LIPA: variants seen among roughly 807,000 people sequenced by gnomAD.
The protein encoded by LIPA is lipase A, lysosomal acid type.
LIPA carries 26 observed loss-of-function variants against 40.6 expected under a neutral mutation model. The ratio of observed to expected loss-of-function variants is 0.64; its 90% CI spans 0.47 to 0.89. LIPA has a LOEUF of 0.89. LIPA is among the 40% of genes least tolerant of loss of function. The pLI is 0.00. For missense variants in LIPA, 455 were observed against 479.6 expected (o/e 0.95, Z 0.48); for synonymous variants, 188 against 168.4 (o/e 1.12, Z -0.90).
intron 2 of LIPA, among the ~76,000 whole-genome samples, chr10:89,383,134 C>T (rs924141834): frequency 6.6e-6 from 1 of 152,166 alleles, no homozygotes; most frequent in Admixed American, 6.5e-5. Flanking sequence ...ATTAGCATTT[C>T]CCCTTGGTTT....
chr10:89,317,438 C>T (rs1267691204), intron 1 of LIPA, among the ~76,000 whole-genome samples: 2 of 152,106 alleles, frequency 1.3e-5, no homozygotes, highest in African/African-American at 2.4e-5. Context: ...CTTCAGTAGC[C>T]AATTCATCAA....
At chr10:89,226,075 G>A (rs763233617) in intron 5 of LIPA, among the ~76,000 whole-genome samples, 5 of 152,100 alleles carry the variant, frequency 3.3e-5, no homozygotes, top group African/African-American at 4.8e-5. Context: ...CCTCTCTGAC[G>A]TCTTGCCACC....
intron 1 of LIPA, among the ~76,000 whole-genome samples, chr10:89,271,146 A>G (rs372409802): frequency 6.6e-6 from 1 of 152,178 alleles, no homozygotes; most frequent in African/African-American, 2.4e-5. Context: ...CTGTCTTCTC[A>G]TGGGGAGTTC....
At chr10:89,362,247 A>G (rs1246886148) in intron 2 of LIPA, 1 of 152,192 alleles carries the variant, frequency 6.6e-6, no homozygotes, top group Non-Finnish European at 1.5e-5. Context: ...ATAGCATTCC[A>G]TTTCCATCAG....
At chr10:89,394,597 TA>T (rs1225659715) in intron 2 of LIPA, among the ~76,000 whole-genome samples, 315 of 19,076 alleles carry the variant, frequency 0.017, 14 homozygotes, top group African/African-American at 0.093. Flanking sequence ...TATATATATA[TA>T]TATATATATA....
intron 3 of LIPA, among the ~76,000 whole-genome samples, chr10:89,239,452 C>G (rs148457656): frequency 6.6e-6 from 1 of 152,244 alleles, no homozygotes; most frequent in South Asian, 2.1e-4. Context: ...CAGGGCACAG[C>G]GCTTGGCCTG....
intron 3 of LIPA, among the ~76,000 whole-genome samples, chr10:89,233,231 T>C (rs545758594): frequency 6.6e-6 from 1 of 152,294 alleles, no homozygotes; most frequent in South Asian, 2.1e-4. Flanking sequence ...AAGGAAACAG[T>C]GAATCTATTC....
chr10:89,304,012 T>A (rs778903449), intron 1 of LIPA, among the ~76,000 whole-genome samples: 13 of 152,222 alleles, frequency 8.5e-5, no homozygotes, highest in Admixed American at 4.6e-4. Context: ...GTTCTGATCC[T>A]CCTGGGGTCA....
At chr10:89,249,069 T>C (rs1396356042) in intron 1 of LIPA, among the ~76,000 whole-genome samples, 1 of 152,216 alleles carries the variant, frequency 6.6e-6, no homozygotes, top group Non-Finnish European at 1.5e-5. Flanking sequence ...CACTATTAGC[T>C]CTTCCTCCTA....
chr10:89,332,671 G>A, intron 1 of LIPA: 3 of 1,580,480 alleles, frequency 1.9e-6, no homozygotes, highest in Non-Finnish European at 2.6e-6. Context: ...AATTTCTTAT[G>A]TACAACTTCC....
intron 1 of LIPA, chr10:89,306,531 A>T (rs1407707343): frequency 1.2e-6 from 2 of 1,613,520 alleles, no homozygotes; most frequent in Admixed American, 3.3e-5. Flanking sequence ...CCACCATCTC[A>T]GAACGCCATT....
In LIPA at chr10:89,396,947, T is replaced by C. The variant is rs190365328; in HGVS notation, c.61+15844A>G. Reference sequence around the variant, plus strand: ...GTTGCTTATCTTTTTGTTGATGAGCTGTAAATATACTTACATATATTTCTC... The same window carrying C: ...GTTGCTTATCTTTTTGTTGATGAGCCGTAAATATACTTACATATATTTCTC... On this transcript the variant is annotated intron_variant, in intron 2 of 8. Coordinates refer to the LIPA transcript ENST00000371837. 2.1e-3 allele frequency among the ~76,000 whole-genome samples: 313 copies of C among 152,346 alleles called. 2 individuals are homozygous for C. In the Middle Eastern group the frequency reaches 0.037, roughly 18 times the overall value.
intron 1 of LIPA, chr10:89,338,581 A>G (rs1843785633): frequency 3.0e-6 from 4 of 1,353,980 alleles, no homozygotes; most frequent in African/African-American, 2.9e-5. Flanking sequence ...GCCCAGTTCA[A>G]TTGACATATA....
At chr10:89,338,638 G>T in intron 1 of LIPA, 2 of 1,596,168 alleles carry the variant, frequency 1.3e-6, no homozygotes, top group South Asian at 2.3e-5. Flanking sequence ...ACATCACAGT[G>T]ACCATGTTTA....
intron 2 of LIPA, among the ~76,000 whole-genome samples, chr10:89,369,363 G>T (rs1844079583): frequency 6.6e-6 from 1 of 152,182 alleles, no homozygotes; most frequent in South Asian, 2.1e-4. Context: ...AGATTCAGTT[G>T]CCAGGATGGG....
intron 1 of LIPA, among the ~76,000 whole-genome samples, chr10:89,262,498 T>G (rs1205904381): frequency 6.6e-6 from 1 of 152,254 alleles, no homozygotes; most frequent in African/African-American, 2.4e-5. Flanking sequence ...TCAGTATCTT[T>G]CTTCCTGTCT....
At chr10:89,314,086 G>A (rs1248552591) in intron 1 of LIPA, among the ~76,000 whole-genome samples, 4 of 152,046 alleles carry the variant, frequency 2.6e-5, no homozygotes, top group Non-Finnish European at 5.9e-5. Flanking sequence ...TTTTTCTTTT[G>A]TTATCTATTT....
At chr10:89,388,444 G>A (rs1275669563) in intron 2 of LIPA, among the ~76,000 whole-genome samples, 3 of 152,082 alleles carry the variant, frequency 2.0e-5, no homozygotes, top group Admixed American at 6.5e-5. Flanking sequence ...CCATTCTGGA[G>A]GTGTTTTGTT....
chr10:89,314,291 T>C (rs183365585), intron 1 of LIPA, among the ~76,000 whole-genome samples: 1 of 152,358 alleles, frequency 6.6e-6, no homozygotes, highest in Non-Finnish European at 1.5e-5. Context: ...GATTGGCAAA[T>C]TGGCACAAAG....
Sources: gnomAD v4.1 joint callset for allele counts (sites outside exome capture counted in the v4.1 genomes callset) on GRCh38, gnomAD v4.1.1 for gene constraint, MANE v1.5 for transcripts, NCBI Gene and HGNC (gene_info 2026-07-23, HGNC 2026-07-21) for gene names.